Variants in VPS45 observed in about 807,000 individuals in gnomAD.
The protein encoded by VPS45 is vacuolar protein sorting-associated protein 45.
In VPS45, 35 loss-of-function variants were observed where a neutral mutation model predicts 75.9. That is an observed-to-expected ratio of 0.46 (90% confidence interval 0.35 to 0.61). The LOEUF (loss-of-function observed/expected upper bound fraction) is 0.61. Ranked by LOEUF, VPS45 falls within the 20% of genes least tolerant of loss-of-function variation. The probability of loss-of-function intolerance (pLI) is 0.00; values close to 1 mark genes in which losing one functional copy is unlikely to be tolerated. For synonymous variants in VPS45, 220 were observed against 238.2 expected (o/e 0.92, Z 0.70); for missense variants, 559 against 685.9 (o/e 0.81, Z 2.07).
chr1:150,090,353 C>G (rs1276114475), intron 10 of VPS45, among the ~76,000 whole-genome samples: 1 of 152,204 alleles, frequency 6.6e-6, no homozygotes, highest in Non-Finnish European at 1.5e-5. Flanking sequence ...CCCTTTCTCT[C>G]CCCTTCCTCT....
At chr1:150,087,699 A>G (rs1553801006) in intron 10 of VPS45, among the ~76,000 whole-genome samples, 1 of 152,220 alleles carries the variant, frequency 6.6e-6, no homozygotes, top group Admixed American at 6.5e-5. Flanking sequence ...ATACAGCTGA[A>G]AGAAAAGAAA....
At chr1:150,087,684 G>T (rs1281765114) in intron 10 of VPS45, among the ~76,000 whole-genome samples, 1 of 152,176 alleles carries the variant, frequency 6.6e-6, no homozygotes, top group Non-Finnish European at 1.5e-5. Flanking sequence ...CGTCTCCAAG[G>T]ACTGATACAG....
In VPS45 at chr1:150,092,312, C is replaced by A; in HGVS notation, c.1274C>A (p.Ala425Glu). 1 of 1,613,972 alleles carries A rather than the reference C, an allele frequency of 6.2e-7. No homozygotes were observed. The highest frequency in any genetic ancestry group is 8.5e-7 in the Non-Finnish European group (1 of 1,179,934). Reference protein sequence around the residue: ...VSEKYRKLVSAVVEYGGKRVR... With the variant: ...VSEKYRKLVSEVVEYGGKRVR... ...TCTCTTTCTTAATAGCTCGTGTCTG[C>A]AGTTGTTGAATATGGTGGTAAACGA... The change falls in exon 12 of 15, where the codon GCA becomes GAA. Residue 425 changes from alanine (A) to glutamate (E), a missense_variant. Transcript: ENST00000644510.
chr1:150,127,201 T>C (rs1658563472), intron 14 of VPS45, among the ~76,000 whole-genome samples: 1 of 152,244 alleles, frequency 6.6e-6, no homozygotes, highest in African/African-American at 2.4e-5. Flanking sequence ...TAAAATACAC[T>C]ACTAAAATTA....
chr1:150,067,582 G>A, upstream of VPS45: 1 of 452,098 alleles, frequency 2.2e-6, no homozygotes, highest in Non-Finnish European at 3.9e-6. Context: ...TGAGAGTCCG[G>A]GCCTCAGGCA....
At chr1:150,097,994 C>A (rs1656771456) in intron 13 of VPS45, among the ~76,000 whole-genome samples, 1 of 151,998 alleles carries the variant, frequency 6.6e-6, no homozygotes, top group African/African-American at 2.4e-5. Context: ...GGGCTACAGG[C>A]ACATGCCACA....
intron 13 of VPS45, among the ~76,000 whole-genome samples, chr1:150,101,517 C>G (rs1656994386): frequency 6.6e-6 from 1 of 151,624 alleles, no homozygotes; most frequent in Non-Finnish European, 1.5e-5. Flanking sequence ...GGGCGGATCA[C>G]AAGATCAGGA....
chr1:150,090,883 A>G (rs1287337942), intron 10 of VPS45, among the ~76,000 whole-genome samples: 1 of 152,242 alleles, frequency 6.6e-6, no homozygotes, highest in African/African-American at 2.4e-5. Flanking sequence ...TTCCCCATAT[A>G]GCATAACACA....
chr1:150,075,769 C>T (rs1049599625), intron 3 of VPS45, among the ~76,000 whole-genome samples: 5 of 151,932 alleles, frequency 3.3e-5, no homozygotes, highest in African/African-American at 1.2e-4. Flanking sequence ...CCAATTCCTC[C>T]GATGGAGTCT....
intron 14 of VPS45, among the ~76,000 whole-genome samples, chr1:150,121,491 C>G (rs1453139782): frequency 1.3e-5 from 2 of 152,152 alleles, no homozygotes; most frequent in Non-Finnish European, 2.9e-5. Flanking sequence ...AGTATTTGCC[C>G]TTCTTATGGA....
chr1:150,133,681 T>G (rs1408703377), intron 14 of VPS45, among the ~76,000 whole-genome samples: 1 of 152,256 alleles, frequency 6.6e-6, no homozygotes, highest in Non-Finnish European at 1.5e-5. Flanking sequence ...GTGGTTGTTC[T>G]GACACATTGA....
At chr1:150,133,170 G>A (rs587712279) in intron 14 of VPS45, among the ~76,000 whole-genome samples, 31 of 152,292 alleles carry the variant, frequency 2.0e-4, no homozygotes, top group Admixed American at 2.0e-3. Flanking sequence ...CAGTCTGTGA[G>A]AAGAAAAATC....
intron 13 of VPS45, chr1:150,110,283 T>C: frequency 2.2e-6 from 1 of 461,548 alleles, no homozygotes; most frequent in South Asian, 3.9e-5. Context: ...CATCCGCTCA[T>C]AAACAGAAAG....
At chr1:150,144,014 A>C (rs1432530068) in intron 14 of VPS45, among the ~76,000 whole-genome samples, 1 of 152,200 alleles carries the variant, frequency 6.6e-6, no homozygotes, top group Non-Finnish European at 1.5e-5. Flanking sequence ...GCACATTATG[A>C]AAGGCCTTGA....
chr1:150,102,304 C>T (rs1657083902), intron 13 of VPS45, among the ~76,000 whole-genome samples: 1 of 150,558 alleles, frequency 6.6e-6, no homozygotes, highest in Non-Finnish European at 1.5e-5. Flanking sequence ...AATCCCAGCA[C>T]TTCGGGAGGC....
chr1:150,112,314 G>C (rs1264838637), intron 14 of VPS45, among the ~76,000 whole-genome samples: 9 of 151,852 alleles, frequency 5.9e-5, no homozygotes, highest in Non-Finnish European at 1.2e-4. Flanking sequence ...AATTTTATAT[G>C]GTCACAGTTA....
At chr1:150,114,904 T>TTA (rs1553807949) in intron 14 of VPS45, among the ~76,000 whole-genome samples, 2 of 143,448 alleles carry the variant, frequency 1.4e-5, no homozygotes, top group Admixed American at 7.1e-5. Context: ...GACCCTGTCT[T>TTA]AAAAAAAAAA....
intron 13 of VPS45, among the ~76,000 whole-genome samples, chr1:150,104,667 T>C (rs1657221857): frequency 6.6e-6 from 1 of 152,154 alleles, no homozygotes; most frequent in South Asian, 2.1e-4. Flanking sequence ...CTTCCCAGGC[T>C]CAAGTGATCC....
intron 7 of VPS45, among the ~76,000 whole-genome samples, chr1:150,078,635 A>G (rs1553798633): frequency 6.6e-6 from 1 of 151,804 alleles, no homozygotes; most frequent in African/African-American, 2.4e-5. Flanking sequence ...GGTTGCACAC[A>G]CCTGTAGTCC....
Sources: allele counts gnomAD v4.1 joint callset (sites outside exome capture counted in the v4.1 genomes callset), GRCh38; gene constraint gnomAD v4.1.1; transcripts MANE v1.5; gene names NCBI Gene and HGNC (gene_info 2026-07-23, HGNC 2026-07-21).